Variants in ZNF280B observed in about 807,000 individuals in gnomAD.
ZNF280B encodes the protein suppressor of hairy wing homolog 2.
Under a neutral mutation model 38.0 loss-of-function variants are expected in ZNF280B, and 16 were observed. That is an observed-to-expected ratio of 0.42 (90% CI 0.28 to 0.64). ZNF280B has a LOEUF of 0.64. Among genes scored for constraint, ZNF280B ranks in the 30% least tolerant of loss-of-function variants. ZNF280B has a pLI of 0.21. For synonymous variants in ZNF280B, 253 were observed against 230.6 expected, an observed-to-expected ratio of 1.10 and a Z score of -0.88; for missense variants, 581 against 639.6, an observed-to-expected ratio of 0.91 and a Z score of 0.99.
chr22:22,496,926 T>A (rs1389937859), intron 2 of ZNF280B, among the ~76,000 whole-genome samples: 1 of 150,592 alleles, frequency 6.6e-6, no homozygotes, highest in Non-Finnish European at 1.5e-5. Context: ...CAAGCAATTC[T>A]CCTGTCTTGG....
At chr22:22,496,139 C>T (rs2061690019) in intron 2 of ZNF280B, among the ~76,000 whole-genome samples, 1 of 112,120 alleles carries the variant, frequency 8.9e-6, no homozygotes, top group Admixed American at 1.1e-4. Context: ...GATGGAGTCT[C>T]GCTGTGTCAC....
Position 22,486,754 on chromosome 22 carries a change from TAA to T in ZNF280B, c.*1011_*1012del, listed in dbSNP as rs1255258827. 2 of 151,962 alleles carry T rather than the reference TAA, an allele frequency of 1.3e-5. No homozygotes were observed. The highest frequency in any genetic ancestry group is 1.3e-4 in the Admixed American group (2 of 15,236). The allele number at this position is 151,962 out of a possible 1,614,324, so 9.4% of individuals were successfully genotyped here. On this transcript the variant is annotated 3_prime_UTR_variant, in exon 4 of 4. Coordinates refer to ENST00000626650, the MANE Select transcript of ZNF280B (RefSeq NM_080764.4). The stretch of plus-strand genomic sequence containing the variant: ...GCTTCCTTGGATGTTTTCAGGTAGG[TAA>T]AGACACTCTGAAGCAGTGTTCCTTT...
chr22:22,484,912 A>C lies in ZNF280B; in HGVS notation c.*2855T>G, dbSNP rs1039203542. The C allele has an allele frequency of 6.6e-6, 1 of 152,082 alleles. No individual in the cohort carries two copies. The highest frequency in any genetic ancestry group is 2.4e-5 in the African/African-American group (1 of 41,268). 9.4% of individuals were successfully genotyped at this position (152,082 alleles called of 1,614,324 possible). On this transcript the variant is annotated 3_prime_UTR_variant, in exon 4 of 4. Coordinates refer to ENST00000626650, the MANE Select transcript of ZNF280B (RefSeq NM_080764.4). ...TGTCAGTGGCATTTTAAGAGCCTTG[A>C]AGCTCAATGAACCAAAGGAAGTGTC...
chr22:22,493,080 G>A (rs766215839), intron 3 of ZNF280B, among the ~76,000 whole-genome samples: 1 of 151,448 alleles, frequency 6.6e-6, no homozygotes, highest in Non-Finnish European at 1.5e-5. Context: ...GCACGATCTC[G>A]GCTCACTGCA....
At chr22:22,499,138 A>G (rs1298616211) in intron 2 of ZNF280B, among the ~76,000 whole-genome samples, 1 of 151,796 alleles carries the variant, frequency 6.6e-6, no homozygotes, top group Non-Finnish European at 1.5e-5. Flanking sequence ...ACAAAATGTT[A>G]GCAAACAAAA....
intron 2 of ZNF280B, among the ~76,000 whole-genome samples, chr22:22,495,002 A>C (rs920548356): frequency 2.0e-5 from 3 of 152,014 alleles, no homozygotes; most frequent in African/African-American, 7.2e-5. Flanking sequence ...CTGGGATTAC[A>C]GGCGTGAGCC....
rs974938949 is a variant in ZNF280B at position 22,508,668 on chromosome 22, T to C, written c.-257A>G. 1 of 151,870 alleles carries C rather than the reference T, an allele frequency of 6.6e-6. No homozygotes were observed. Among genetic ancestry groups the C allele is most frequent in the African/African-American group, 2.4e-5 (1 of 41,376 alleles). 9.4% of individuals were successfully genotyped at this position (151,870 alleles called of 1,614,324 possible). On this transcript the variant is annotated 5_prime_UTR_variant, in exon 1 of 4. Transcript: ENST00000626650. ...ACGCCCCCGTCCTTACCAGTCCGGA[T>C]CAGCTGCTGTTCGCGAGCTGCCGGC... is the stretch of plus-strand genomic sequence containing the variant.
chr22:22,502,978 G>A (rs1443589677), intron 2 of ZNF280B, among the ~76,000 whole-genome samples: 2 of 151,976 alleles, frequency 1.3e-5, no homozygotes, highest in African/African-American at 4.8e-5. Flanking sequence ...CTAGGAAAAG[G>A]TGATGTGAAG....
At chr22:22,504,308 C>G (rs995674071) in intron 2 of ZNF280B, among the ~76,000 whole-genome samples, 1 of 151,690 alleles carries the variant, frequency 6.6e-6, no homozygotes, top group Non-Finnish European at 1.5e-5. Context: ...TGGCACACGC[C>G]TGTAATCCCA....
chr22:22,499,751 G>A (rs953430576), intron 2 of ZNF280B, among the ~76,000 whole-genome samples: 1 of 151,946 alleles, frequency 6.6e-6, no homozygotes, highest in African/African-American at 2.4e-5. Context: ...TGGTGACACT[G>A]AAAGTACCCC....
In ZNF280B at chr22:22,488,958, T is replaced by G. The variant is rs1459801854; in HGVS notation, c.441A>C (p.Thr147=). The change falls in exon 4 of 4, where the codon ACA becomes ACC. Residue 147 remains threonine, a synonymous_variant. Transcript: ENST00000626650. ...NSSELPSPLI[T]FTDSLHHPVS... is the part of the protein sequence containing the mutation. ...CTGGATGATGCAATGAATCTGTGAA[T>G]GTAATCAAAGGAGAAGGTAATTCTG... is the stretch of plus-strand genomic sequence containing the variant. 6.2e-7 allele frequency: 1 copy of G among 1,613,760 alleles called. No homozygotes were observed. Among genetic ancestry groups the G allele is most frequent in the Non-Finnish European group, 8.5e-7 (1 of 1,179,986 alleles).
chr22:22,489,964 G>A (rs1459956092), intron 3 of ZNF280B, among the ~76,000 whole-genome samples: 1 of 151,772 alleles, frequency 6.6e-6, no homozygotes, highest in Admixed American at 6.6e-5. Context: ...GATTTGTAGT[G>A]GAATTGGAAG....
rs5758473 is a variant in ZNF280B, at chr22:22,486,819, A to C, written c.*948T>G. The C allele has an allele frequency of 0.19, 28,980 of 151,752 alleles. 3,175 individuals are homozygous for C. Among genetic ancestry groups the C allele is most frequent in the South Asian group, 0.33 (1,593 of 4,782 alleles). The allele number at this position is 151,752 out of a possible 1,614,324, so 9.4% of individuals were successfully genotyped here. A position where few individuals can be genotyped will look rare whatever the true frequency, so the allele number is the denominator to read the frequency against. On this transcript the variant is annotated 3_prime_UTR_variant, in exon 4 of 4. Transcript: ENST00000626650. ...AAGACTAGAATGAATGTGTGCCTAT[A>C]CTTCAACTAGAACAAAGAACCACTG...
At chr22:22,490,905 G>C (rs369139915) in intron 3 of ZNF280B, among the ~76,000 whole-genome samples, 19 of 151,446 alleles carry the variant, frequency 1.3e-4, no homozygotes, top group African/African-American at 4.6e-4. Context: ...TATCCCTCTC[G>C]GTGAGGTTCT....
intron 3 of ZNF280B, among the ~76,000 whole-genome samples, chr22:22,492,086 T>C (rs1156583835): frequency 6.6e-6 from 1 of 151,996 alleles, no homozygotes; most frequent in Non-Finnish European, 1.5e-5. Context: ...CCTATAAATA[T>C]GTGTATCACC....
At chr22:22,504,491 G>C (rs2061895030) in intron 2 of ZNF280B, among the ~76,000 whole-genome samples, 1 of 151,410 alleles carries the variant, frequency 6.6e-6, no homozygotes, top group African/African-American at 2.4e-5. Context: ...GCCAAAAGGT[G>C]AAAGTCACTA....
chr22:22,487,676 G>A lies in ZNF280B; in HGVS notation c.*91C>T. On this transcript the variant is annotated 3_prime_UTR_variant, in exon 4 of 4. Transcript: ENST00000626650. The stretch of plus-strand genomic sequence containing the variant: ...ATCCACTAGTTTCACTATTTTTGGT[G>A]CTACTGAATAATGTATGGTTTGTAT... 2 of 1,043,078 alleles carry A rather than the reference G, an allele frequency of 1.9e-6. No homozygotes were observed. The highest frequency in any genetic ancestry group is 2.8e-6 in the Non-Finnish European group (2 of 723,476). The allele number at this position is 1,043,078 out of a possible 1,614,324, so 64.6% of individuals were successfully genotyped here.
chr22:22,507,554 C>CTT (rs361803), intron 2 of ZNF280B, among the ~76,000 whole-genome samples: 12 of 145,304 alleles, frequency 8.3e-5, no homozygotes, highest in Non-Finnish European at 1.1e-4. Flanking sequence ...CCCTGATGCT[C>CTT]TTTTTTTTTT....
rs746913153 is a variant in ZNF280B at position 22,488,817 on chromosome 22, A to G, written c.582T>C (p.Ile194=). 1 of 1,613,838 alleles carries G rather than the reference A, an allele frequency of 6.2e-7. No individual in the cohort carries two copies. The highest frequency in any genetic ancestry group is 1.1e-5 in the South Asian group (1 of 91,064). The change falls in exon 4 of 4, where the codon ATT becomes ATC. Residue 194 remains isoleucine, a synonymous_variant. Transcript: ENST00000626650. ...NPKRAKLRDG[I]IEGNSSASFP... ...ATGAAGCTGAAGAATTTCCTTCTAT[A>G]ATTCCATCCCTGAGTTTAGCCCTTT...
Sources: allele counts gnomAD v4.1 joint callset (sites outside exome capture counted in the v4.1 genomes callset), GRCh38; gene constraint gnomAD v4.1.1; transcripts MANE v1.5; gene names NCBI Gene and HGNC (gene_info 2026-07-23, HGNC 2026-07-21).